KALRN: variants seen among roughly 807,000 people sequenced by gnomAD.
KALRN encodes kalirin.
A neutral mutation model predicts 353.7 loss-of-function variants in KALRN; 70 were observed. That is an observed-to-expected ratio of 0.20 (90% CI 0.16 to 0.24). The LOEUF is 0.24. Among genes scored for constraint, KALRN ranks in the 10% least tolerant of loss-of-function variants. The pLI is 1.00. For synonymous variants in KALRN, 1,391 were observed against 1,434.8 expected, an observed-to-expected ratio of 0.97 and a Z score of 0.69; for missense variants, 2,791 against 3,756.7, an observed-to-expected ratio of 0.74 and a Z score of 6.72.
At chr3:124,586,647 G>C (rs2651616) in intron 34 of KALRN, among the ~76,000 whole-genome samples, 83,629 of 151,930 alleles carry the variant, frequency 0.55, 23,461 homozygotes, top group East Asian at 0.69. Context: ...TCGTAGGAGC[G>C]GGAGCTGAAA....
chr3:124,587,469 A>G (rs1377926378), intron 34 of KALRN, among the ~76,000 whole-genome samples: 1 of 152,148 alleles, frequency 6.6e-6, no homozygotes, highest in African/African-American at 2.4e-5. Context: ...TGTTTTGGCT[A>G]TTTTTGACTT....
intron 34 of KALRN, among the ~76,000 whole-genome samples, chr3:124,581,577 A>T (rs944034825): frequency 3.9e-5 from 6 of 152,200 alleles, no homozygotes; most frequent in Non-Finnish European, 7.3e-5. Flanking sequence ...GTGACAAAAA[A>T]GTGATCCAGT....
chr3:124,182,189 T>C (rs2150215295), intron 1 of KALRN, among the ~76,000 whole-genome samples: 1 of 152,350 alleles, frequency 6.6e-6, no homozygotes, highest in East Asian at 1.9e-4. Flanking sequence ...TTTATTGCTG[T>C]GTAACAAATT....
At chr3:124,582,106 C>T (rs754354214) in intron 34 of KALRN, among the ~76,000 whole-genome samples, 3 of 151,618 alleles carry the variant, frequency 2.0e-5, no homozygotes, top group Non-Finnish European at 2.9e-5. Flanking sequence ...CTGCAACCTC[C>T]GCCTTCCGGG....
Position 124,674,366 on chromosome 3 carries a change from C to A in KALRN, c.6945C>A (p.Asn2315Lys), listed in dbSNP as rs565585638. The A allele has an allele frequency of 6.2e-7, 1 of 1,611,668 alleles. No homozygotes were observed. The highest frequency in any genetic ancestry group is 1.3e-5 in the African/African-American group (1 of 74,962). ...CTCTCACCCTTATCTCCCAGCAGAACGACCTGGGAGGCTGCAATGGGACCT... is the reference window on the plus strand; with the variant it reads ...CTCTCACCCTTATCTCCCAGCAGAAAGACCTGGGAGGCTGCAATGGGACCT... ...QPGDKFEASK[N>K]DLGGCNGTSS... Residue 2315 changes from asparagine (N) to lysine (K), a missense_variant and splice_region_variant, in exon 49 of 60, where the codon AAC becomes AAA. Asn to Lys is a moderately conservative substitution (Grantham distance 94). This residue lies in a region of KALRN where 1,065 missense variants were observed against 1,156.4 expected (regional missense o/e 0.92). Coordinates refer to ENST00000682506, the MANE Select transcript of KALRN (RefSeq NM_001388419.1).
chr3:124,598,342 T>C (rs1163988815), intron 34 of KALRN, among the ~76,000 whole-genome samples: 1 of 152,186 alleles, frequency 6.6e-6, no homozygotes, highest in African/African-American at 2.4e-5. Flanking sequence ...CCCAAGGGGC[T>C]TCCCGTAGCC....
chr3:124,539,872 C>T (rs1378230290), intron 33 of KALRN, among the ~76,000 whole-genome samples: 1 of 151,070 alleles, frequency 6.6e-6, no homozygotes, highest in African/African-American at 2.4e-5. Context: ...CTCAGCCTCC[C>T]CAGTAGCTGG....
chr3:124,147,029 T>C (rs919108532), intron 1 of KALRN, among the ~76,000 whole-genome samples: 13 of 152,132 alleles, frequency 8.5e-5, no homozygotes, highest in African/African-American at 3.1e-4. Flanking sequence ...TTTATATAAA[T>C]TATTTTATTG....
chr3:124,065,095 A>G (rs1399306571), intron 1 of KALRN, among the ~76,000 whole-genome samples: 1 of 152,174 alleles, frequency 6.6e-6, no homozygotes, highest in African/African-American at 2.4e-5. Flanking sequence ...CTCAGGAAAG[A>G]CTGCTTTGTA....
intron 51 of KALRN, among the ~76,000 whole-genome samples, chr3:124,682,921 G>A (rs1384708878): frequency 1.3e-5 from 2 of 152,138 alleles, no homozygotes; most frequent in Non-Finnish European, 2.9e-5. Context: ...GCCACTGCAA[G>A]ATTGGCTCTA....
chr3:124,057,802 T>C (rs1391257569), intron 1 of KALRN, among the ~76,000 whole-genome samples: 1 of 152,196 alleles, frequency 6.6e-6, no homozygotes, highest in Admixed American at 6.5e-5. Context: ...TCGGTGAGAC[T>C]GCAAGTATCC....
At chr3:124,566,852 G>A (rs967878643) in intron 34 of KALRN, among the ~76,000 whole-genome samples, 15 of 152,218 alleles carry the variant, frequency 9.9e-5, no homozygotes, top group Non-Finnish European at 1.6e-4. Context: ...CTGGTGTCAG[G>A]AGGTTGGAAT....
At chr3:124,535,191 A>G (rs571016630) in intron 33 of KALRN, among the ~76,000 whole-genome samples, 1 of 151,474 alleles carries the variant, frequency 6.6e-6, no homozygotes, top group Non-Finnish European at 1.5e-5. Flanking sequence ...TTTTTTTTTT[A>G]AAACACTAGC....
chr3:124,710,910 A>G (rs2150770608), intron 57 of KALRN, among the ~76,000 whole-genome samples: 1 of 152,370 alleles, frequency 6.6e-6, no homozygotes, highest in African/African-American at 2.4e-5. Flanking sequence ...AGCTAGCAGT[A>G]CCTTGAGATG....
chr3:124,505,446 A>C (rs1382795625), intron 33 of KALRN, among the ~76,000 whole-genome samples: 2 of 152,180 alleles, frequency 1.3e-5, no homozygotes, highest in African/African-American at 4.8e-5. Context: ...CCTGGGCAGC[A>C]TGGTGAAACC....
At chr3:124,255,649 C>A (rs1045728712) in intron 3 of KALRN, among the ~76,000 whole-genome samples, 2 of 152,110 alleles carry the variant, frequency 1.3e-5, no homozygotes, top group African/African-American at 2.4e-5. Flanking sequence ...CTGTAGATAC[C>A]CCACAATAGC....
chr3:124,258,411 G>A (rs753844551), intron 3 of KALRN, among the ~76,000 whole-genome samples: 1 of 152,144 alleles, frequency 6.6e-6, no homozygotes, highest in Non-Finnish European at 1.5e-5. Flanking sequence ...GTTCCTCCTT[G>A]CAATCCTCTC....
At chr3:124,054,040 CT>C (rs1287151588) in intron 1 of KALRN, among the ~76,000 whole-genome samples, 1 of 152,198 alleles carries the variant, frequency 6.6e-6, no homozygotes, top group Non-Finnish European at 1.5e-5. Context: ...AAGAATTGTT[CT>C]AGATAAGCCA....
intron 5 of KALRN, among the ~76,000 whole-genome samples, chr3:124,298,119 T>A (rs1228743701): frequency 1.3e-5 from 2 of 152,190 alleles, no homozygotes; most frequent in Non-Finnish European, 2.9e-5. Context: ...CATTGAAGTA[T>A]GTGGGCTGCC....
Sources: allele counts gnomAD v4.1 joint callset (sites outside exome capture counted in the v4.1 genomes callset), GRCh38; gene constraint gnomAD v4.1.1; regional missense constraint gnomAD v4.1.1; transcripts MANE v1.5; gene names NCBI Gene and HGNC (gene_info 2026-07-23, HGNC 2026-07-21).